The following GNS variants were observed in gnomAD, a reference collection of about 807,000 sequenced individuals.
GNS encodes the protein N-acetylglucosamine-6-sulfatase.
Under a neutral mutation model 69.7 loss-of-function variants are expected in GNS, and 40 were observed. That is an observed-to-expected ratio of 0.57 (90% CI 0.45 to 0.75). The LOEUF (loss-of-function observed/expected upper bound fraction) is 0.75. GNS is among the 30% of genes least tolerant of loss of function. The pLI, the probability that GNS is intolerant of heterozygous loss-of-function variation, is 0.00. For synonymous variants in GNS, 243 were observed against 251.6 expected (o/e 0.97, Z 0.32); for missense variants, 565 against 685.5 (o/e 0.82, Z 1.96).
At chr12:64,757,783 TACTC>T (rs1415459808) in intron 1 of GNS, among the ~76,000 whole-genome samples, 2 of 152,188 alleles carry the variant, frequency 1.3e-5, no homozygotes, top group Non-Finnish European at 2.9e-5. Context: ...TGTTGGTAGT[TACTC>T]ACTAAACTGA....
At chr12:64,752,863 A>G (rs1870123190) in intron 1 of GNS, 106 bp from the exon 2 acceptor site, 1 of 723,986 alleles carries the variant, frequency 1.4e-6, no homozygotes, top group Admixed American at 2.0e-5. Flanking sequence ...TTATTCCCAA[A>G]TGGTCAGCTC....
At chr12:64,732,184 T>TTTTTTTTTTCC (rs1869421024) in intron 9 of GNS, among the ~76,000 whole-genome samples, 1 of 137,964 alleles carries the variant, frequency 7.2e-6, no homozygotes, top group Admixed American at 7.3e-5. Context: ...TTTTTTTTTT[T>TTTTTTTTTTCC]TGAGACGGAG....
At chr12:64,742,037 T>C (rs1287502217) in intron 6 of GNS, among the ~76,000 whole-genome samples, 1 of 152,230 alleles carries the variant, frequency 6.6e-6, no homozygotes, top group Admixed American at 6.5e-5. Context: ...TTTTATTTTA[T>C]TTTGATGGAA....
chr12:64,755,421 T>C (rs1870218289), intron 1 of GNS, among the ~76,000 whole-genome samples: 1 of 151,458 alleles, frequency 6.6e-6, no homozygotes, highest in African/African-American at 2.4e-5. Context: ...CTACTAGAAA[T>C]ACAAAAATTA....
At chr12:64,757,041 T>C (rs185511198) in intron 1 of GNS, among the ~76,000 whole-genome samples, 1 of 152,222 alleles carries the variant, frequency 6.6e-6, no homozygotes, top group Admixed American at 6.5e-5. Flanking sequence ...TAGCTGGACG[T>C]AGTGACATGT....
chr12:64,750,328 G>A (rs1294086467), intron 2 of GNS, among the ~76,000 whole-genome samples: 1 of 152,082 alleles, frequency 6.6e-6, no homozygotes, highest in Non-Finnish European at 1.5e-5. Flanking sequence ...GATTACAGGT[G>A]TGAGCCACCA....
rs2230291 is a variant in GNS, at chr12:64,747,808, C to T, written c.363G>A (p.Lys121=). ...NNTLEGNCSS[K]SWQKIQEPNT... is the part of the protein sequence containing the mutation. Reference sequence around the variant, plus strand: ...TTGGTTCTTGGATCTTCTGCCAGGACTTACTACTGCAGTTCCCCTCCAGAG... The same window carrying T: ...TTGGTTCTTGGATCTTCTGCCAGGATTTACTACTGCAGTTCCCCTCCAGAG... The change falls in exon 3 of 14, where the codon AAG becomes AAA. Residue 121 remains lysine, a synonymous_variant. Transcript: ENST00000258145. 181,564 of 1,608,308 alleles carry T rather than the reference C, an allele frequency of 0.11. 11,810 individuals are homozygous for T. Among genetic ancestry groups the T allele is most frequent in the Non-Finnish European group, 0.13 (152,196 of 1,174,694 alleles).
chr12:64,730,434 C>CAAAAAAA (rs35692874), intron 9 of GNS, among the ~76,000 whole-genome samples: 4 of 43,380 alleles, frequency 9.2e-5, no homozygotes, highest in Non-Finnish European at 1.2e-4. Context: ...ATATGAAAGG[C>CAAAAAAA]AAAAAAAAAA....
rs183979229 is a variant in GNS at position 64,720,229 on chromosome 12, C to T, written c.1420-47G>A. On this transcript the variant is annotated intron_variant, in intron 12 of 13. Coordinates refer to ENST00000258145, the MANE Select transcript of GNS (RefSeq NM_002076.4). ...AGGAAAGAAAAGAGCAAAGGTTAGCCGTGAAGAAATACTCTTAACGTGACT... is the reference window on the plus strand; with the variant it reads ...AGGAAAGAAAAGAGCAAAGGTTAGCTGTGAAGAAATACTCTTAACGTGACT... The T allele has an allele frequency of 7.3e-5, 95 of 1,296,262 alleles. 1 individual carries two copies. The highest frequency in any genetic ancestry group is 2.5e-4 in the Admixed American group (15 of 59,542). The allele number at this position is 1,296,262 out of a possible 1,614,324, so 80.3% of individuals were successfully genotyped here.
At chr12:64,737,422 CTGAA>C (rs765717712) in intron 8 of GNS, among the ~76,000 whole-genome samples, 8 of 152,184 alleles carry the variant, frequency 5.3e-5, no homozygotes, top group Non-Finnish European at 5.9e-5. Context: ...CTCATCACAA[CTGAA>C]TGAAGTTTAC....
chr12:64,757,440 AT>A (rs1870286947), intron 1 of GNS, among the ~76,000 whole-genome samples: 1 of 152,218 alleles, frequency 6.6e-6, no homozygotes, highest in South Asian at 2.1e-4. Context: ...TAAAAAAGGA[AT>A]TTTGTGAGCA....
At chr12:64,724,297 G>A (rs1869123971) in intron 10 of GNS, among the ~76,000 whole-genome samples, 1 of 152,204 alleles carries the variant, frequency 6.6e-6, no homozygotes, top group African/African-American at 2.4e-5. Flanking sequence ...AGTTCCTAAC[G>A]TAGGTAGACA....
At chr12:64,726,162 A>G (rs1869192878) in intron 10 of GNS, among the ~76,000 whole-genome samples, 1 of 152,132 alleles carries the variant, frequency 6.6e-6, no homozygotes, top group Non-Finnish European at 1.5e-5. Context: ...AGCTGATTCT[A>G]AAGTTTATGT....
At chr12:64,732,973 A>G (rs1417929334) in intron 9 of GNS, among the ~76,000 whole-genome samples, 1 of 152,118 alleles carries the variant, frequency 6.6e-6, no homozygotes, top group East Asian at 1.9e-4. Context: ...TAAATATCCT[A>G]ATCAAATGAA....
chr12:64,745,608 C>T (rs766435594), intron 4 of GNS, 51 bp downstream of exon 4: 1 of 968,094 alleles, frequency 1.0e-6, no homozygotes, highest in African/African-American at 1.6e-5. Flanking sequence ...TAAACATATT[C>T]TGCATCTGTA....
chr12:64,731,371 C>T, intron 9 of GNS, among the ~76,000 whole-genome samples: 1 of 152,216 alleles, frequency 6.6e-6, no homozygotes, highest in Non-Finnish European at 1.5e-5. Flanking sequence ...GCCACTGCAC[C>T]CAGCCGAGGC....
Position 64,716,601 on chromosome 12 carries a change from T to A in GNS, c.*140A>T, listed in dbSNP as rs1410494182. On this transcript the variant is annotated 3_prime_UTR_variant, in exon 14 of 14. Transcript: ENST00000258145. ...TGCACGAGGAAGTCAGCTGACTGGG[T>A]TGCTTTTTCAAACAGGACTTAAAGC... 6 of 699,146 alleles carry A rather than the reference T, an allele frequency of 8.6e-6. No homozygotes were observed. Among genetic ancestry groups the A allele is most frequent in the Non-Finnish European group, 1.6e-5 (6 of 380,670 alleles). 43.3% of individuals were successfully genotyped at this position (699,146 alleles called of 1,614,324 possible). A position where few individuals can be genotyped will look rare whatever the true frequency, so the allele number is the denominator to read the frequency against.
Position 64,721,813 on chromosome 12 carries a change from C to CTA in GNS, c.1309-109_1309-108insTA, listed in dbSNP as rs1869037718. The CTA allele has an allele frequency of 4.0e-6, 3 of 743,534 alleles. No individual in the cohort carries two copies. The South Asian group carries it at 4.2e-5, about 10-fold the overall frequency. 46.1% of individuals were successfully genotyped at this position (743,534 alleles called of 1,614,324 possible). A position where few individuals can be genotyped will look rare whatever the true frequency, so the allele number is the denominator to read the frequency against. ...GGCTCATGCCGGACATGCAATTTGA[C>CTA]AGCAATTAGAAAACCTTCCATGGGG... On this transcript the variant is annotated intron_variant, in intron 11 of 13. Coordinates refer to ENST00000258145, the MANE Select transcript of GNS (RefSeq NM_002076.4).
chr12:64,743,804 T>C (rs1869818862), intron 5 of GNS, among the ~76,000 whole-genome samples: 1 of 152,222 alleles, frequency 6.6e-6, no homozygotes, highest in South Asian at 2.1e-4. Flanking sequence ...TACATTCCAC[T>C]AGGGTTTTAA....
Sources: allele counts gnomAD v4.1 joint callset (sites outside exome capture counted in the v4.1 genomes callset), GRCh38; gene constraint gnomAD v4.1.1; transcripts MANE v1.5; gene names NCBI Gene and HGNC (gene_info 2026-07-23, HGNC 2026-07-21).